SLC39A9: variants seen among roughly 807,000 people sequenced by gnomAD.
The protein encoded by SLC39A9 is zinc transporter ZIP9.
In SLC39A9, 14 loss-of-function variants were observed where a neutral mutation model predicts 28.4. The observed-to-expected ratio is 0.49, with a 90% CI of 0.33 to 0.77. The LOEUF (loss-of-function observed/expected upper bound fraction) is 0.77. SLC39A9 is among the 30% of genes least tolerant of loss of function. The probability of loss-of-function intolerance (pLI) is 0.02; values close to 1 mark genes in which losing one functional copy is unlikely to be tolerated. For missense variants in SLC39A9, 283 were observed against 381.1 expected (o/e 0.74, Z 2.14); for synonymous variants, 119 against 149.6 (o/e 0.80, Z 1.49).
At chr14:69,408,752 G>A (rs1440089601) in intron 1 of SLC39A9, among the ~76,000 whole-genome samples, 6 of 152,160 alleles carry the variant, frequency 3.9e-5, no homozygotes, top group Non-Finnish European at 7.4e-5. Flanking sequence ...ATGTAGAAGG[G>A]GTGGGCAAGC....
At chr14:69,434,648 T>C (rs1324373904) in intron 2 of SLC39A9, among the ~76,000 whole-genome samples, 1 of 152,178 alleles carries the variant, frequency 6.6e-6, no homozygotes, top group Non-Finnish European at 1.5e-5. Context: ...CACTCTAGGC[T>C]GGGTGAAAGA....
Position 69,460,224 on chromosome 14 carries a change from A to G in SLC39A9, c.*1631A>G, listed in dbSNP as rs78833625. The G allele has an allele frequency of 4.6e-4, 456 of 985,888 alleles. 3 individuals carry two copies. The African/African-American group carries it at 7.6e-3, about 16-fold the overall frequency. The allele number at this position is 985,888 out of a possible 1,614,324, so 61.1% of individuals were successfully genotyped here. ...TTTGTAAAAACGTTTTCTATGACGC[A>G]TAAGCTAGCATGCCTATGATTTATT... is the stretch of plus-strand genomic sequence containing the variant. On this transcript the variant is annotated 3_prime_UTR_variant, in exon 7 of 7. Coordinates refer to ENST00000336643, the MANE Select transcript of SLC39A9 (RefSeq NM_018375.5).
intron 1 of SLC39A9, among the ~76,000 whole-genome samples, chr14:69,404,038 C>T (rs1882783694): frequency 6.6e-6 from 1 of 151,916 alleles, no homozygotes; most frequent in African/African-American, 2.4e-5. Context: ...AGCAAAACTC[C>T]CTCTCAAAAA....
intron 3 of SLC39A9, among the ~76,000 whole-genome samples, chr14:69,448,214 CA>C (rs34195562): frequency 1.0e-4 from 9 of 87,230 alleles, no homozygotes; most frequent in East Asian, 6.4e-4. Context: ...GACTCTGTCT[CA>C]AAAAAAAAAA....
rs199978769 is a variant in SLC39A9, at chr14:69,442,147, A to T, written c.284A>T (p.His95Leu). ...KAAEKSVVHE[H>L]EHSHDHTQLH... is the part of the protein sequence containing the mutation. ...GCAGAAAAATCAGTTGTCCATGAAC[A>T]TGAGCACAGCCACGACCACACACAG... The change falls in exon 3 of 7, where the codon CAT becomes CTT. Residue 95 changes from histidine to leucine, a missense_variant. Transcript: ENST00000336643. The T allele has an allele frequency of 6.2e-4, 999 of 1,614,254 alleles. 12 individuals carry two copies. The South Asian group carries it at 0.011, about 17-fold the overall frequency.
chr14:69,405,659 A>G (rs564447457), intron 1 of SLC39A9, among the ~76,000 whole-genome samples: 2 of 152,348 alleles, frequency 1.3e-5, no homozygotes, highest in Admixed American at 6.5e-5. Flanking sequence ...GAAAGAAATC[A>G]TCAGCTTGTC....
intron 1 of SLC39A9, among the ~76,000 whole-genome samples, chr14:69,417,033 T>C (rs1883615521): frequency 6.6e-6 from 1 of 152,236 alleles, no homozygotes. Flanking sequence ...GTTTTAGTCA[T>C]GAAGTCCTTG....
chr14:69,454,924 G>T, intron 5 of SLC39A9, 27 bp downstream of exon 5: 1 of 1,547,566 alleles, frequency 6.5e-7, no homozygotes. Context: ...TGTAAGGTTT[G>T]GTATTGAGTG....
intron 2 of SLC39A9, among the ~76,000 whole-genome samples, chr14:69,438,146 C>G (rs953917186): frequency 2.6e-5 from 4 of 151,798 alleles, no homozygotes; most frequent in Non-Finnish European, 5.9e-5. Flanking sequence ...CTCAGCCTCC[C>G]TAGTAGTTGG....
intron 2 of SLC39A9, among the ~76,000 whole-genome samples, chr14:69,430,252 C>T (rs1393734296): frequency 6.6e-6 from 1 of 152,164 alleles, no homozygotes; most frequent in Non-Finnish European, 1.5e-5. Flanking sequence ...GGTGTCATAT[C>T]TAAAACCCCT....
At chr14:69,457,352 G>A (rs1885916234) in intron 6 of SLC39A9, among the ~76,000 whole-genome samples, 1 of 152,010 alleles carries the variant, frequency 6.6e-6, no homozygotes, top group Non-Finnish European at 1.5e-5. Flanking sequence ...ACAGGCGCCC[G>A]CCACCATGCC....
intron 1 of SLC39A9, 108 bp downstream of exon 1, chr14:69,399,573 A>G (rs1882504192): frequency 1.3e-6 from 1 of 759,172 alleles, no homozygotes; most frequent in African/African-American, 1.8e-5. Context: ...TGAAGGTCTC[A>G]TTAAGAAAGA....
At chr14:69,442,456 T>C (rs1885095363) in intron 3 of SLC39A9, among the ~76,000 whole-genome samples, 190 bp downstream of exon 3, 1 of 152,206 alleles carries the variant, frequency 6.6e-6, no homozygotes, top group South Asian at 2.1e-4. Flanking sequence ...AAAGAAGTGT[T>C]TATTGGTTTA....
At chr14:69,446,937 T>G (rs1407184376) in intron 3 of SLC39A9, among the ~76,000 whole-genome samples, 6 of 132,198 alleles carry the variant, frequency 4.5e-5, no homozygotes, top group Admixed American at 2.2e-4. Context: ...GTGATATATA[T>G]ATATATATAT....
At chr14:69,455,415 C>T (rs539619977) in intron 5 of SLC39A9, among the ~76,000 whole-genome samples, 1 of 151,292 alleles carries the variant, frequency 6.6e-6, no homozygotes, top group East Asian at 2.0e-4. Context: ...CAACCTCCGC[C>T]TCCTGGGTTC....
chr14:69,411,144 A>G (rs1383446544), intron 1 of SLC39A9, among the ~76,000 whole-genome samples: 1 of 148,854 alleles, frequency 6.7e-6, no homozygotes, highest in East Asian at 2.1e-4. Context: ...CCTGGAAGGT[A>G]GAGGTCGCAG....
At chr14:69,445,292 A>G (rs1433402025) in intron 3 of SLC39A9, among the ~76,000 whole-genome samples, 1 of 151,734 alleles carries the variant, frequency 6.6e-6, no homozygotes, top group African/African-American at 2.4e-5. Context: ...AGCAAGACCA[A>G]CCCCTCCTCT....
chr14:69,454,762 A>G (rs2232057), intron 4 of SLC39A9, 50 bp from the exon 5 acceptor site: 218,799 of 1,461,532 alleles, frequency 0.15, 17,546 homozygotes, highest in Middle Eastern at 0.24. Flanking sequence ...CTACACTGTT[A>G]TTGTTGTTGT....
At position 69,462,069 on chromosome 14, in the gene SLC39A9, G is replaced by A. The variant is rs1253793620; in HGVS notation, c.*3476G>A. ...GAGGCCTGAAGGAAATGTGTAACTTGTGGGAAAGAACTAGACAACCATTTA... is the reference window on the plus strand; with the variant it reads ...GAGGCCTGAAGGAAATGTGTAACTTATGGGAAAGAACTAGACAACCATTTA... On this transcript the variant is annotated 3_prime_UTR_variant, in exon 7 of 7. Transcript: ENST00000336643. 2 of 202,244 alleles carry A rather than the reference G, an allele frequency of 9.9e-6. No homozygotes were observed. Among genetic ancestry groups the A allele is most frequent in the African/African-American group, 2.3e-5 (1 of 43,410 alleles). The allele number at this position is 202,244 out of a possible 1,614,324, so 12.5% of individuals were successfully genotyped here.
Sources: gnomAD v4.1 joint callset for allele counts (sites outside exome capture counted in the v4.1 genomes callset) on GRCh38, gnomAD v4.1.1 for gene constraint, MANE v1.5 for transcripts, NCBI Gene and HGNC (gene_info 2026-07-23, HGNC 2026-07-21) for gene names.